CFAP61: variants seen among roughly 807,000 people sequenced by gnomAD.
The protein encoded by CFAP61 is cilia and flagella associated protein 61, also known as cilia- and flagella-associated protein 61.
In CFAP61, 107 loss-of-function variants were observed where a neutral mutation model predicts 135.6. That is an observed-to-expected ratio of 0.79 (90% CI 0.67 to 0.93). CFAP61 has a LOEUF of 0.93. Among genes scored for constraint, CFAP61 ranks in the 40% least tolerant of loss-of-function variants. CFAP61 has a pLI of 0.00. For synonymous variants in CFAP61, 575 were observed against 578.5 expected (o/e 0.99, Z 0.09); for missense variants, 1,507 against 1,556.2 (o/e 0.97, Z 0.53).
At chr20:20,303,246 C>G (rs2056217784) in intron 25 of CFAP61, among the ~76,000 whole-genome samples, 1 of 152,140 alleles carries the variant, frequency 6.6e-6, no homozygotes, top group Non-Finnish European at 1.5e-5. Context: ...TTGTTTCTCC[C>G]TAAATAGAAG....
intron 21 of CFAP61, among the ~76,000 whole-genome samples, chr20:20,264,838 G>A (rs1337756201): frequency 6.6e-6 from 1 of 152,162 alleles, no homozygotes; most frequent in Non-Finnish European, 1.5e-5. Context: ...GCTGCAGAGA[G>A]GCATGATTAT....
chr20:20,323,229 A>G, intron 25 of CFAP61: 1 of 985,458 alleles, frequency 1.0e-6, no homozygotes, highest in South Asian at 4.7e-5. Context: ...TGGGCATGAA[A>G]GGCACTGGAG....
At chr20:20,090,724 G>A in intron 6 of CFAP61, 120 bp from the exon 7 acceptor site, 1 of 602,846 alleles carries the variant, frequency 1.7e-6, no homozygotes, top group Non-Finnish European at 2.9e-6. Context: ...AAGGAAAGTT[G>A]ATATCATGAG....
chr20:20,094,322 T>C (rs2146624895), intron 7 of CFAP61: 1 of 152,296 alleles, frequency 6.6e-6, no homozygotes, highest in East Asian at 1.9e-4. Context: ...GGCCCAGCAG[T>C]ACCATTTGGA....
At chr20:20,308,681 C>T (rs982410473) in intron 25 of CFAP61, among the ~76,000 whole-genome samples, 8 of 152,306 alleles carry the variant, frequency 5.3e-5, no homozygotes, top group African/African-American at 1.4e-4. Context: ...GTCTTGTTGT[C>T]AGAGCCCAAG....
intron 13 of CFAP61, among the ~76,000 whole-genome samples, chr20:20,172,492 T>C (rs1270775072): frequency 6.6e-6 from 1 of 152,036 alleles, no homozygotes; most frequent in African/African-American, 2.4e-5. Flanking sequence ...AATTTTTGTA[T>C]TTTTTTGTAC....
At chr20:20,069,901 G>T in intron 2 of CFAP61, 1 of 309,948 alleles carries the variant, frequency 3.2e-6, no homozygotes, top group South Asian at 2.8e-5. Flanking sequence ...AAGGAACATG[G>T]GTAACTGCTG....
At chr20:20,285,554 C>T (rs1200642595) in intron 22 of CFAP61, among the ~76,000 whole-genome samples, 1 of 152,098 alleles carries the variant, frequency 6.6e-6, no homozygotes, top group African/African-American at 2.4e-5. Flanking sequence ...AGTTCACTGA[C>T]TCTTTCCTCT....
At chr20:20,233,986 C>T (rs1007484999) in intron 18 of CFAP61, among the ~76,000 whole-genome samples, 2 of 152,128 alleles carry the variant, frequency 1.3e-5, no homozygotes, top group South Asian at 2.1e-4. Flanking sequence ...ACCATGTACC[C>T]GGATCTGAGT....
chr20:20,232,901 C>G (rs1453922294), intron 18 of CFAP61: 1 of 152,200 alleles, frequency 6.6e-6, no homozygotes, highest in Non-Finnish European at 1.5e-5. Flanking sequence ...CACCGGTGGG[C>G]ACTGGAAAGC....
chr20:20,174,893 T>C (rs1001969495), intron 13 of CFAP61, among the ~76,000 whole-genome samples: 1 of 152,226 alleles, frequency 6.6e-6, no homozygotes, highest in Non-Finnish European at 1.5e-5. Context: ...CTGGCATCAG[T>C]TAGCCCGAGG....
chr20:20,239,695 C>T (rs969220170), intron 18 of CFAP61, among the ~76,000 whole-genome samples: 2 of 152,062 alleles, frequency 1.3e-5, no homozygotes, highest in Non-Finnish European at 2.9e-5. Flanking sequence ...TGAGGCAGTC[C>T]GACTTCTGAG....
Position 20,327,777 on chromosome 20 carries a change from C to CAAAAAAAAAAA in CFAP61, c.3423-14036_3423-14026dup, listed in dbSNP as rs60171844. On this transcript the variant is annotated intron_variant, in intron 25 of 26. Transcript: ENST00000245957. ...CCTGGGCAACAGAGCAAGAGCCTGT[C>CAAAAAAAAAAA]AAAAAAAAAAAAAAAAAAAAAAAAA... Among the ~76,000 whole-genome samples, 46 of 60,346 alleles carry CAAAAAAAAAAA rather than the reference C, an allele frequency of 7.6e-4. 8 individuals are homozygous for CAAAAAAAAAAA. The highest frequency in any genetic ancestry group is 1.9e-3 in the African/African-American group (30 of 15,786). 39.6% of individuals were successfully genotyped at this position (60,346 alleles called of 152,430 possible). A position where few individuals can be genotyped will look rare whatever the true frequency, so the allele number is the denominator to read the frequency against.
chr20:20,228,837 A>T (rs886131225), intron 18 of CFAP61, among the ~76,000 whole-genome samples: 3 of 152,188 alleles, frequency 2.0e-5, no homozygotes, highest in African/African-American at 7.2e-5. Context: ...TTTGTTAAAG[A>T]TGTAGATTCC....
rs1016239737 is a variant in CFAP61 at position 20,066,887 on chromosome 20, A to T, written c.144-3967A>T. Among the ~76,000 whole-genome samples, 14 of 152,290 alleles carry T rather than the reference A, an allele frequency of 9.2e-5. 1 individual carries two copies. The East Asian group carries it at 2.7e-3, about 29-fold the overall frequency. On this transcript the variant is annotated intron_variant, in intron 2 of 26. Coordinates refer to ENST00000245957, the MANE Select transcript of CFAP61 (RefSeq NM_015585.4). ...TATGATTTGATAGTAACAAGTCCAC[A>T]TTATTTTATGGGTTGTTTACTGGGT...
At chr20:20,274,843 T>C (rs1404646134) in intron 21 of CFAP61, among the ~76,000 whole-genome samples, 1 of 152,202 alleles carries the variant, frequency 6.6e-6, no homozygotes, top group African/African-American at 2.4e-5. Context: ...TTCTACTATA[T>C]TTTATGGGAA....
At chr20:20,344,901 A>G (rs1391186645) in intron 26 of CFAP61, among the ~76,000 whole-genome samples, 1 of 152,244 alleles carries the variant, frequency 6.6e-6, no homozygotes, top group Non-Finnish European at 1.5e-5. Flanking sequence ...TATATACACA[A>G]TGGAATAGTA....
chr20:20,154,766 C>T (rs1301418178), intron 9 of CFAP61, among the ~76,000 whole-genome samples: 1 of 151,914 alleles, frequency 6.6e-6, no homozygotes, highest in African/African-American at 2.4e-5. Flanking sequence ...TGCTGAAAGA[C>T]ATCACTGATG....
At chr20:20,269,203 G>GTA (rs74174559) in intron 21 of CFAP61, among the ~76,000 whole-genome samples, 68,382 of 129,668 alleles carry the variant, frequency 0.53, 19,338 homozygotes, top group Middle Eastern at 0.76. Context: ...ATACATATAT[G>GTA]TATATATACA....
Sources: allele counts gnomAD v4.1 joint callset (sites outside exome capture counted in the v4.1 genomes callset), GRCh38; gene constraint gnomAD v4.1.1; transcripts MANE v1.5; gene names NCBI Gene and HGNC (gene_info 2026-07-23, HGNC 2026-07-21).